EIPR1: variants seen among roughly 807,000 people sequenced by gnomAD.
EIPR1 encodes the protein EARP complex and GARP complex interacting protein 1.
A neutral mutation model predicts 48.1 loss-of-function variants in EIPR1; 25 were observed. The observed-to-expected ratio is 0.52, with a 90% confidence interval of 0.38 to 0.73. EIPR1 has a LOEUF of 0.73. Among genes scored for constraint, EIPR1 ranks in the 30% least tolerant of loss-of-function variants. The pLI, the probability that EIPR1 is intolerant of heterozygous loss-of-function variation, is 0.00. For missense variants in EIPR1, 415 were observed against 506.2 expected (o/e 0.82, Z 1.73); for synonymous variants, 204 against 201.9 (o/e 1.01, Z -0.09).
chr2:3,278,578 G>A (rs948863481), intron 3 of EIPR1, among the ~76,000 whole-genome samples: 2 of 152,102 alleles, frequency 1.3e-5, no homozygotes, highest in South Asian at 2.1e-4. Context: ...CCTTCCTCAC[G>A]ACTTCCGACC....
chr2:3,269,121 T>G (rs551415821), intron 3 of EIPR1, among the ~76,000 whole-genome samples: 1 of 152,356 alleles, frequency 6.6e-6, no homozygotes, highest in South Asian at 2.1e-4. Flanking sequence ...TGCTGTACAC[T>G]GAGCACTGCA....
chr2:3,311,192 G>A (rs1669118295), intron 3 of EIPR1, among the ~76,000 whole-genome samples: 1 of 152,098 alleles, frequency 6.6e-6, no homozygotes, highest in South Asian at 2.1e-4. Flanking sequence ...CAACACAAGT[G>A]CCTCCACCTT....
intron 5 of EIPR1, among the ~76,000 whole-genome samples, chr2:3,200,784 C>T (rs1172291968): frequency 3.3e-5 from 5 of 152,040 alleles, no homozygotes; most frequent in African/African-American, 1.2e-4. Flanking sequence ...CCAAGGCAGC[C>T]GACACAGCAC....
At chr2:3,349,059 G>A (rs1395305435) in intron 2 of EIPR1, among the ~76,000 whole-genome samples, 1 of 152,202 alleles carries the variant, frequency 6.6e-6, no homozygotes, top group Non-Finnish European at 1.5e-5. Context: ...GCAACAGCAC[G>A]GGTGCACCCT....
intron 5 of EIPR1, among the ~76,000 whole-genome samples, chr2:3,204,616 T>C (rs1343641132): frequency 2.0e-5 from 3 of 152,206 alleles, no homozygotes; most frequent in Non-Finnish European, 4.4e-5. Flanking sequence ...ATGTTACTAA[T>C]GCCAGAATGT....
At chr2:3,267,922 T>G (rs1382025386) in intron 3 of EIPR1, among the ~76,000 whole-genome samples, 1 of 152,246 alleles carries the variant, frequency 6.6e-6, no homozygotes, top group African/African-American at 2.4e-5. Context: ...CCTCAGGTGC[T>G]GAAGGCGCCC....
intron 3 of EIPR1, among the ~76,000 whole-genome samples, chr2:3,269,535 G>A (rs1203792817): frequency 0.24 from 8,671 of 36,804 alleles, 797 homozygotes; most frequent in East Asian, 0.27. Context: ...ATCGCACTCA[G>A]TCATCGCACT....
intron 3 of EIPR1, among the ~76,000 whole-genome samples, chr2:3,279,394 G>A (rs1312764243): frequency 1.3e-5 from 2 of 152,192 alleles, no homozygotes; most frequent in African/African-American, 4.8e-5. Flanking sequence ...GTCACCTTGA[G>A]CCCAGCGAGG....
intron 3 of EIPR1, among the ~76,000 whole-genome samples, chr2:3,329,409 G>A (rs1422615190): frequency 6.9e-6 from 1 of 145,608 alleles, no homozygotes; most frequent in Non-Finnish European, 1.5e-5. Context: ...AATGATCTCG[G>A]GGTACTAGCC....
chr2:3,302,846 G>A (rs1668801916), intron 3 of EIPR1, among the ~76,000 whole-genome samples: 1 of 152,216 alleles, frequency 6.6e-6, no homozygotes, highest in South Asian at 2.1e-4. Context: ...AGGGCGTCTG[G>A]CATGCAGCAG....
chr2:3,209,883 G>A (rs931608948), intron 5 of EIPR1, among the ~76,000 whole-genome samples: 1 of 152,176 alleles, frequency 6.6e-6, no homozygotes, highest in African/African-American at 2.4e-5. Context: ...CATGAGGAAA[G>A]AATCATCGTT....
chr2:3,257,613 C>T, intron 3 of EIPR1, 158 bp from the exon 4 acceptor site: 1 of 796,982 alleles, frequency 1.3e-6, no homozygotes, highest in Non-Finnish European at 1.8e-6. Flanking sequence ...GGGAGAAGCA[C>T]AGCCTGAGTC....
chr2:3,319,276 C>T (rs1669416591), intron 3 of EIPR1: 10 of 292,686 alleles, frequency 3.4e-5, no homozygotes, highest in South Asian at 3.0e-4. Flanking sequence ...TCTGGAAGTG[C>T]GCTGTGTGCT....
At chr2:3,285,326 C>A (rs1377542028) in intron 3 of EIPR1, among the ~76,000 whole-genome samples, 2 of 144,188 alleles carry the variant, frequency 1.4e-5, no homozygotes, top group African/African-American at 5.2e-5. Context: ...CCCACCCCCC[C>A]ACCCCCACCC....
At chr2:3,272,093 A>G (rs768217629) in intron 3 of EIPR1, among the ~76,000 whole-genome samples, 4 of 152,118 alleles carry the variant, frequency 2.6e-5, no homozygotes, top group Non-Finnish European at 4.4e-5. Flanking sequence ...CTAGCTCCCA[A>G]CTTTTCTTCT....
chr2:3,297,712 C>G (rs1159276559), intron 3 of EIPR1, among the ~76,000 whole-genome samples: 1 of 152,254 alleles, frequency 6.6e-6, no homozygotes, highest in African/African-American at 2.4e-5. Flanking sequence ...GCGAGTGTGT[C>G]TGGGTGCCAA....
intron 4 of EIPR1, among the ~76,000 whole-genome samples, chr2:3,248,411 T>C (rs993424934): frequency 1.3e-5 from 2 of 152,146 alleles, no homozygotes; most frequent in Non-Finnish European, 2.9e-5. Context: ...CTGGCCAACA[T>C]GGCAAAACGC....
rs547108136 is a variant in EIPR1 at position 3,324,076 on chromosome 2, C to A, written c.259+13941G>T. On this transcript the variant is annotated intron_variant, in intron 3 of 8. Transcript: ENST00000382125. ...ACATAACAAAAGCATGTTATGCACACGGCCTTCTCTGAATCCCAACAAAGT... is the reference window on the plus strand; with the variant it reads ...ACATAACAAAAGCATGTTATGCACAAGGCCTTCTCTGAATCCCAACAAAGT... 1.3e-5 allele frequency among the ~76,000 whole-genome samples: 2 copies of A among 152,354 alleles called. 1 individual carries two copies. The highest frequency in any genetic ancestry group is 6.8e-3 in the Middle Eastern group (2 of 294).
At chr2:3,195,409 T>C (rs932507928) in intron 6 of EIPR1, among the ~76,000 whole-genome samples, 1 of 152,256 alleles carries the variant, frequency 6.6e-6, no homozygotes, top group Non-Finnish European at 1.5e-5. Flanking sequence ...AAGACCATCA[T>C]TGTTCTCTGC....
Sources: allele counts gnomAD v4.1 joint callset (sites outside exome capture counted in the v4.1 genomes callset), GRCh38; gene constraint gnomAD v4.1.1; transcripts MANE v1.5; gene names NCBI Gene and HGNC (gene_info 2026-07-23, HGNC 2026-07-21).